Variants in CD36 observed in about 807,000 individuals in gnomAD.
CD36 encodes CD36 molecule (CD36 blood group).
Under a neutral mutation model 55.2 loss-of-function variants are expected in CD36, and 119 were observed. The observed-to-expected ratio is 2.15, with a 90% CI of 1.86 to 2.51. The LOEUF is 2.51. CD36 is among the 30% of genes most tolerant of loss of function. The pLI is 0.00. For missense variants in CD36, 819 were observed against 555.5 expected, an observed-to-expected ratio of 1.47 and a Z score of -4.77; for synonymous variants, 186 against 193.6, an observed-to-expected ratio of 0.96 and a Z score of 0.33.
intron 1 of CD36, among the ~76,000 whole-genome samples, chr7:80,623,076 A>G (rs906760416): frequency 1.3e-5 from 2 of 151,686 alleles, no homozygotes; most frequent in Admixed American, 6.6e-5. Context: ...TGGTTCATAA[A>G]TCTCTGATAC....
intron 1 of CD36, among the ~76,000 whole-genome samples, chr7:80,618,244 T>C (rs1471731821): frequency 2.6e-5 from 4 of 152,124 alleles, no homozygotes; most frequent in Non-Finnish European, 5.9e-5. Flanking sequence ...ACTGTGAAAA[T>C]AGTGACACTT....
At chr7:80,609,842 G>T (rs73376957) in intron 1 of CD36, among the ~76,000 whole-genome samples, 3,852 of 152,256 alleles carry the variant, frequency 0.025, 56 homozygotes, top group African/African-American at 0.037. Flanking sequence ...GTTAGTATTT[G>T]CCTGTCTTTT....
chr7:80,673,190 T>C lies in CD36; in HGVS notation c.1200-165T>C, dbSNP rs1307571381. 11 of 533,056 alleles carry C rather than the reference T, an allele frequency of 2.1e-5. No homozygotes were observed. In the Admixed American group the frequency reaches 2.8e-4, roughly 14 times the overall value. The allele number at this position is 533,056 out of a possible 1,614,324, so 33.0% of individuals were successfully genotyped here. A position where few individuals can be genotyped will look rare whatever the true frequency, so the allele number is the denominator to read the frequency against. ...AAAATCAATGTGATTAGAAGACATA[T>C]AAGAGCAAAGGAAGTCAAAAACAAC... On this transcript the variant is annotated intron_variant, in intron 12 of 14. Transcript: ENST00000447544.
chr7:80,635,168 A>G (rs1045294342), upstream of CD36, among the ~76,000 whole-genome samples: 4 of 152,276 alleles, frequency 2.6e-5, no homozygotes, highest in African/African-American at 9.6e-5. Context: ...GAGGCCTCTC[A>G]TTGTACACTT....
chr7:80,661,653 G>C (rs1461960237), intron 5 of CD36, among the ~76,000 whole-genome samples: 2 of 152,074 alleles, frequency 1.3e-5, no homozygotes, highest in Non-Finnish European at 2.9e-5. Context: ...ACCAGTAGCT[G>C]TACCAGTGGG....
Position 80,620,482 on chromosome 7 carries a change from A to T in CD36, c.-184+18103A>T, listed in dbSNP as rs146458414. 8.3e-4 allele frequency among the ~76,000 whole-genome samples: 127 copies of T among 152,280 alleles called. 1 individual carries two copies. Among genetic ancestry groups the T allele is most frequent in the African/African-American group, 2.9e-3 (120 of 41,554 alleles). On this transcript the variant is annotated intron_variant, in intron 1 of 13. Transcript: ENST00000309881. The stretch of plus-strand genomic sequence containing the variant: ...TACAAATGAAGAGATGGATCAGGTA[A>T]GGTATGGGGGAAGGTGTGTGGAGCT...
At chr7:80,602,757 G>A (rs1792310154) in intron 1 of CD36, among the ~76,000 whole-genome samples, 1 of 152,048 alleles carries the variant, frequency 6.6e-6, no homozygotes, top group Non-Finnish European at 1.5e-5. Context: ...TTTTCTGATA[G>A]GTTTTTAAGA....
chr7:80,660,017 T>C (rs1014444458), intron 4 of CD36, among the ~76,000 whole-genome samples: 1 of 152,282 alleles, frequency 6.6e-6, no homozygotes, highest in East Asian at 1.9e-4. Context: ...CATAAACCCC[T>C]ACCCTGTAGG....
At chr7:80,626,290 T>C (rs1418608813) in intron 1 of CD36, 1 of 152,134 alleles carries the variant, frequency 6.6e-6, no homozygotes, top group African/African-American at 2.4e-5. Flanking sequence ...TTTACACTAT[T>C]GAGCTAAATA....
intron 13 of CD36, 104 bp downstream of exon 13, chr7:80,673,513 C>A: frequency 1.3e-6 from 1 of 772,848 alleles, no homozygotes; most frequent in Admixed American, 1.8e-5. Context: ...ATATGTATTT[C>A]CATTACCCAT....
chr7:80,605,088 G>T (rs537795505), intron 1 of CD36, among the ~76,000 whole-genome samples: 1 of 152,082 alleles, frequency 6.6e-6, no homozygotes. Context: ...AGAACCCAAA[G>T]CATCCTGTCT....
At chr7:80,667,741 T>C (rs1486562590) in intron 8 of CD36, among the ~76,000 whole-genome samples, 1 of 131,706 alleles carries the variant, frequency 7.6e-6, no homozygotes, top group African/African-American at 2.8e-5. Context: ...GCAGGGGTTT[T>C]CTTTTGTTTT....
rs1797951660 is a variant in CD36 at position 80,673,656 on chromosome 7, G to T, written c.1254+247G>T. 4 of 557,244 alleles carry T rather than the reference G, an allele frequency of 7.2e-6. No individual in the cohort carries two copies. The East Asian group carries it at 9.0e-5, about 13-fold the overall frequency. 34.5% of individuals were successfully genotyped at this position (557,244 alleles called of 1,614,324 possible). On this transcript the variant is annotated intron_variant, in intron 13 of 14. Coordinates refer to ENST00000447544, the MANE Select transcript of CD36 (RefSeq NM_001001548.3). ...CTTGTTGTAACATTTGTCTTCTATT[G>T]CCTGACAAGGTATTTTTACTATAAA...
chr7:80,651,462 A>G (rs1486459263), intron 3 of CD36, among the ~76,000 whole-genome samples: 1 of 152,210 alleles, frequency 6.6e-6, no homozygotes, highest in Non-Finnish European at 1.5e-5. Context: ...AAAAGGAATT[A>G]TAGGTTTCTT....
Position 80,655,251 on chromosome 7 carries a change from C to T in CD36, c.121-1289C>T, listed in dbSNP as rs79176612. On this transcript the variant is annotated intron_variant, in intron 3 of 14. Transcript: ENST00000447544. ...CTTCCCAATACTTCATTAGAAATAC[C>T]GCCTGCTTCAAAATCACCTTTGTTT... 1.5e-3 allele frequency among the ~76,000 whole-genome samples: 234 copies of T among 152,238 alleles called. 7 individuals carry two copies. In the East Asian group the frequency reaches 0.038, roughly 24 times the overall value.
At chr7:80,606,276 CT>C (rs60857995) in intron 1 of CD36, among the ~76,000 whole-genome samples, 101 of 148,674 alleles carry the variant, frequency 6.8e-4, no homozygotes, top group African/African-American at 2.1e-3. Context: ...ATCTGTGCAA[CT>C]TTTTTTTTTG....
chr7:80,664,451 GATAAC>G lies in CD36; in HGVS notation c.660_664del (p.Asn220LysfsTer2), dbSNP rs768699378. The G allele has an allele frequency of 8.0e-5, 126 of 1,582,822 alleles. No homozygotes were observed. The Middle Eastern group carries it at 1.7e-3, about 21-fold the overall frequency. On this transcript the variant is annotated frameshift_variant, in exon 7 of 15. Transcript: ENST00000447544. LOFTEE classifies it high-confidence loss of function. ...AGTTTATAAAGTTTTCAATGGAAAA[GATAAC>G]ATAAGTAAAGTTGCCATAATCGACA...
chr7:80,652,502 C>A (rs1003129773), intron 3 of CD36, among the ~76,000 whole-genome samples: 1 of 152,166 alleles, frequency 6.6e-6, no homozygotes, highest in African/African-American at 2.4e-5. Context: ...TCTCAACTTA[C>A]ACACACTTGC....
chr7:80,656,802 T>C, intron 4 of CD36, 102 bp downstream of exon 4: 1 of 1,036,612 alleles, frequency 9.6e-7, no homozygotes, highest in Non-Finnish European at 1.5e-6. Flanking sequence ...GTACTTATTA[T>C]TTTCTTGCCA....
Sources: gnomAD v4.1 joint callset for allele counts (sites outside exome capture counted in the v4.1 genomes callset) on GRCh38, gnomAD v4.1.1 for gene constraint, MANE v1.5 for transcripts, NCBI Gene and HGNC (gene_info 2026-07-23, HGNC 2026-07-21) for gene names.